SF3A2: variants seen among roughly 807,000 people sequenced by gnomAD.
The protein encoded by SF3A2 is SAP 62.
In SF3A2, 5 loss-of-function variants were observed where a neutral mutation model predicts 31.1. The observed-to-expected ratio is 0.16, with a 90% CI of 0.08 to 0.34. The LOEUF (loss-of-function observed/expected upper bound fraction) is 0.34, where lower values mean the gene tolerates loss of function less well. SF3A2 is among the 10% of genes least tolerant of loss of function. SF3A2 has a pLI of 1.00. For missense variants in SF3A2, 577 were observed against 643.9 expected (o/e 0.90, Z 1.13); for synonymous variants, 365 against 263.7 (o/e 1.38, Z -3.72).
At chr19:2,242,513 C>G (rs890185020) in intron 1 of SF3A2, among the ~76,000 whole-genome samples, 1 of 152,206 alleles carries the variant, frequency 6.6e-6, no homozygotes, top group African/African-American at 2.4e-5. Flanking sequence ...TCCTCAAGCC[C>G]ACCTGCACAT....
chr19:2,247,306 C>T (rs2024946787), intron 7 of SF3A2: 1 of 551,292 alleles, frequency 1.8e-6, no homozygotes, highest in Admixed American at 3.4e-5. Context: ...GGCCAGGCTG[C>T]TGGAGGGCTT....
intron 2 of SF3A2, among the ~76,000 whole-genome samples, chr19:2,244,300 CCTGGGAACCCCCA>C (rs964742924): frequency 2.6e-4 from 39 of 152,262 alleles, no homozygotes; most frequent in African/African-American, 9.1e-4. Flanking sequence ...TCGGGGGCTC[CCTGGGAACCCCCA>C]CTGCTCGAAG....
At position 2,247,404 on chromosome 19, in the gene SF3A2, G is replaced by A. The variant is rs189314739; in HGVS notation, c.547-190G>A. Among the ~76,000 whole-genome samples the A allele has an allele frequency of 4.6e-5, 7 of 152,286 alleles. No homozygotes were observed. In the East Asian group the frequency reaches 1.2e-3, roughly 25 times the overall value. On this transcript the variant is annotated intron_variant, in intron 7 of 8. Transcript: ENST00000221494. ...ACTGCCCAGGGAGGGGGCCAACAGC[G>A]TGCTAGCATTGAGGCCAGGTCTGTT... is the stretch of plus-strand genomic sequence containing the variant.
rs2145021915 is a variant in SF3A2 at position 2,248,522 on chromosome 19, ACCTCCC to A, written c.1380_1385del (p.Pro461_Pro462del). 5.0e-5 allele frequency: 53 copies of A among 1,052,224 alleles called. No homozygotes were observed. The highest frequency in any genetic ancestry group is 3.4e-4 in the Middle Eastern group (1 of 2,938). The allele number at this position is 1,052,224 out of a possible 1,614,324, so 65.2% of individuals were successfully genotyped here. A position where few individuals can be genotyped will look rare whatever the true frequency, so the allele number is the denominator to read the frequency against. ...TTCCCTCCGAAGGCCCAGGGAACAT[ACCTCCC>A]CCTCCCCCAACCAACTGAGAAGCTG... On this transcript the variant is annotated inframe_deletion, in exon 9 of 9. Coordinates refer to ENST00000221494, the MANE Select transcript of SF3A2 (RefSeq NM_007165.5).
chr19:2,247,945 C>T lies in SF3A2; in HGVS notation c.794C>T (p.Pro265Leu). The T allele has an allele frequency of 1.4e-6, 2 of 1,451,846 alleles. No individual in the cohort carries two copies. The highest frequency in any genetic ancestry group is 1.2e-5 in the South Asian group (1 of 86,646). The allele number at this position is 1,451,846 out of a possible 1,614,324, so 89.9% of individuals were successfully genotyped here. Reference protein sequence around the residue: ...PPGGLPLPPMPPTGPAPSGPP... With the variant: ...PPGGLPLPPMLPTGPAPSGPP... ...GGAGGCCTGCCTCTGCCACCCATGC[C>T]CCCCACAGGGCCTGCGCCCTCAGGG... The change falls in exon 9 of 9, where the codon CCC (proline) becomes CTC (leucine). Residue 265 changes from proline to leucine, a missense_variant. By Grantham distance (98) the Pro-to-Leu change is moderately conservative. Coordinates refer to ENST00000221494, the MANE Select transcript of SF3A2 (RefSeq NM_007165.5).
chr19:2,245,436 C>T lies in SF3A2; in HGVS notation c.246-10C>T, dbSNP rs1172668159. On this transcript the variant is annotated splice_polypyrimidine_tract_variant and intron_variant, in intron 4 of 8. Transcript: ENST00000221494. The surrounding 1 kb of genome is among the most constrained non-coding windows in gnomAD (Gnocchi z 4.2). ...GAGGGGTCCCAGCAGCACCTCCATC[C>T]TGTCCGCAGGGCCCGGCGAGCAGCC... 6.5e-7 allele frequency: 1 copy of T among 1,547,330 alleles called. No homozygotes were observed. The highest frequency in any genetic ancestry group is 8.7e-7 in the Non-Finnish European group (1 of 1,144,672).
chr19:2,241,268 C>G (rs577832063), intron 1 of SF3A2, among the ~76,000 whole-genome samples: 13 of 152,200 alleles, frequency 8.5e-5, no homozygotes, highest in Non-Finnish European at 1.6e-4. Context: ...GGAGTGCATC[C>G]GTGAAAGAAG....
chr19:2,237,405 A>C (rs2024836508), intron 1 of SF3A2: 1 of 83,906 alleles, frequency 1.2e-5, no homozygotes, highest in African/African-American at 4.7e-5. Flanking sequence ...AGACCCCATC[A>C]CTGCAAAAAA....
At chr19:2,244,479 CTG>C in intron 2 of SF3A2, 63 bp from the exon 3 acceptor site, 1 of 1,331,574 alleles carries the variant, frequency 7.5e-7, no homozygotes, top group Admixed American at 1.8e-5. Flanking sequence ...GATCCCGCCT[CTG>C]AGGGCCTTGA....
chr19:2,239,961 T>C (rs1256842105), intron 1 of SF3A2, among the ~76,000 whole-genome samples: 2 of 152,252 alleles, frequency 1.3e-5, no homozygotes, highest in African/African-American at 4.8e-5. Context: ...GATCTCTTAC[T>C]GGGATACCCA....
At position 2,247,859 on chromosome 19, in the gene SF3A2, G is replaced by A. The variant is rs200617940; in HGVS notation, c.708G>A (p.Pro236=). Residue 236 remains proline, a synonymous_variant, in exon 9 of 9, where the codon CCG becomes CCA. Transcript: ENST00000221494. The part of the protein sequence containing the change: ...GPPGVKRPPP[P]LMNGLPPRPP... Reference sequence around the variant, plus strand: ...CTGGGGTGAAGCGGCCTCCACCCCCGCTGATGAACGGTCTGCCCCCTCGGC... The same window carrying A: ...CTGGGGTGAAGCGGCCTCCACCCCCACTGATGAACGGTCTGCCCCCTCGGC... The A allele has an allele frequency of 2.2e-5, 34 of 1,513,222 alleles. No homozygotes were observed. Among genetic ancestry groups the A allele is most frequent in the South Asian group, 5.7e-5 (5 of 87,732 alleles). The allele number at this position is 1,513,222 out of a possible 1,614,324, so 93.7% of individuals were successfully genotyped here. A position where few individuals can be genotyped will look rare whatever the true frequency, so the allele number is the denominator to read the frequency against.
chr19:2,241,429 C>T (rs2024888078), intron 1 of SF3A2, among the ~76,000 whole-genome samples: 1 of 152,214 alleles, frequency 6.6e-6, no homozygotes. Flanking sequence ...CACGCACGTC[C>T]CCTGATGTGA....
At chr19:2,247,736 G>C (rs774446636) in intron 8 of SF3A2, 31 bp from the exon 9 acceptor site, 29 of 1,577,900 alleles carry the variant, frequency 1.8e-5, no homozygotes, top group Non-Finnish European at 2.5e-5. Context: ...AGCCCCACCC[G>C]TGCCTGCTGA....
At position 2,247,623 on chromosome 19, in the gene SF3A2, G is replaced by A. The variant is rs766260251; in HGVS notation, c.576G>A (p.Glu192=). Residue 192 remains glutamate (E), a synonymous_variant, in exon 8 of 9, where the codon GAG becomes GAA. Transcript: ENST00000221494. ...CGAGCAGAGAGATCGACAAGGCGGAGGGCAAGTTCTGGACACACTGGAACC... is the reference window on the plus strand; with the variant it reads ...CGAGCAGAGAGATCGACAAGGCGGAAGGCAAGTTCTGGACACACTGGAACC... ...KVPSREIDKA[E]GKFWTHWNRE... The A allele has an allele frequency of 1.2e-6, 2 of 1,613,308 alleles. No individual in the cohort carries two copies. Among genetic ancestry groups the A allele is most frequent in the Non-Finnish European group, 1.7e-6 (2 of 1,179,774 alleles).
intron 1 of SF3A2, 89 bp from the exon 2 acceptor site, chr19:2,243,293 G>T: frequency 2.7e-6 from 3 of 1,130,990 alleles, no homozygotes; most frequent in South Asian, 3.5e-5. Context: ...GGGCAGTCTC[G>T]AGGGCTCCAG....
Position 2,248,278 on chromosome 19 carries a change from C to G in SF3A2, c.1127C>G (p.Ala376Gly). The change falls in exon 9 of 9, where the codon GCC (alanine) becomes GGC (glycine). Residue 376 changes from alanine to glycine, a missense_variant. By Grantham distance (60) the Ala-to-Gly change is moderately conservative (BLOSUM62 0). Coordinates refer to ENST00000221494, the MANE Select transcript of SF3A2 (RefSeq NM_007165.5). ...PPPSAGVHPQ[A>G]PGVHPAAPAV... is the part of the protein sequence containing the mutation. ...CCATCAGCGGGGGTTCACCCCCAGG[C>G]CCCGGGGGTGCACCCAGCAGCCCCC... The G allele has an allele frequency of 1.4e-6, 2 of 1,408,970 alleles. No homozygotes were observed. Among genetic ancestry groups the G allele is most frequent in the Non-Finnish European group, 9.2e-7 (1 of 1,082,394 alleles). 87.3% of individuals were successfully genotyped at this position (1,408,970 alleles called of 1,614,324 possible). A position where few individuals can be genotyped will look rare whatever the true frequency, so the allele number is the denominator to read the frequency against.
chr19:2,245,567 C>T lies in SF3A2; in HGVS notation c.355+12C>T, dbSNP rs747915968. The T allele has an allele frequency of 1.4e-5, 21 of 1,533,724 alleles. No individual in the cohort carries two copies. The highest frequency in any genetic ancestry group is 3.6e-5 in the South Asian group (3 of 83,714). On this transcript the variant is annotated intron_variant, in intron 5 of 8. Coordinates refer to ENST00000221494, the MANE Select transcript of SF3A2 (RefSeq NM_007165.5). The surrounding 1 kb of genome is among the most constrained non-coding windows in gnomAD (Gnocchi z 4.2). ...CCCGGGCTACAAAGGTGAGTCTGCC[C>T]GCAGCGGGGCCGGCCACAGCCGCTG...
In SF3A2 at chr19:2,243,648, C is replaced by T. The variant is rs533718227; in HGVS notation, c.126+104C>T. On this transcript the variant is annotated intron_variant, in intron 2 of 8. Coordinates refer to ENST00000221494, the MANE Select transcript of SF3A2 (RefSeq NM_007165.5). ...TTCTTGGGCCTCCGCCCAGGCTGGG[C>T]GATGCAGCCCCGTGTCCAGACGCTC... The T allele has an allele frequency of 3.1e-5, 40 of 1,310,156 alleles. No homozygotes were observed. The African/African-American group carries it at 5.0e-4, about 16-fold the overall frequency. The allele number at this position is 1,310,156 out of a possible 1,614,324, so 81.2% of individuals were successfully genotyped here.
At chr19:2,243,902 C>A (rs1040540300) in intron 2 of SF3A2, among the ~76,000 whole-genome samples, 8 of 152,216 alleles carry the variant, frequency 5.3e-5, no homozygotes, top group Non-Finnish European at 2.9e-5. Flanking sequence ...GTCCCCTCAG[C>A]ACCGTGGACA....
Sources: allele counts gnomAD v4.1 joint callset (sites outside exome capture counted in the v4.1 genomes callset), GRCh38; gene constraint gnomAD v4.1.1; non-coding constraint Gnocchi (gnomAD v3.1); transcripts MANE v1.5; gene names NCBI Gene and HGNC (gene_info 2026-07-23, HGNC 2026-07-21).